Variants in SDK1 observed in about 807,000 individuals in gnomAD.
The protein encoded by SDK1 is sidekick cell adhesion molecule 1, also known as protein sidekick-1.
A neutral mutation model predicts 245.5 loss-of-function variants in SDK1; 157 were observed. That is an observed-to-expected ratio of 0.64 (90% CI 0.56 to 0.73). The LOEUF (loss-of-function observed/expected upper bound fraction) is 0.73, where lower values mean the gene tolerates loss of function less well. Among genes scored for constraint, SDK1 ranks in the 30% least tolerant of loss-of-function variants. The pLI, the probability that SDK1 is intolerant of heterozygous loss-of-function variation, is 0.00. For missense variants in SDK1, 3,583 were observed against 3,002.3 expected, an observed-to-expected ratio of 1.19 and a Z score of -4.52; for synonymous variants, 1,647 against 1,278.5, an observed-to-expected ratio of 1.29 and a Z score of -6.15.
intron 19 of SDK1, among the ~76,000 whole-genome samples, chr7:4,053,364 C>G (rs980410317): frequency 2.1e-4 from 19 of 91,528 alleles, no homozygotes; most frequent in Middle Eastern, 4.9e-3. Context: ...TGCCTCTCTC[C>G]CCTTTCCTCT....
At chr7:3,586,260 C>T (rs1268650981) in intron 1 of SDK1, among the ~76,000 whole-genome samples, 1 of 151,928 alleles carries the variant, frequency 6.6e-6, no homozygotes, top group East Asian at 1.9e-4. Flanking sequence ...GTTACTGGGT[C>T]AACATAGACC....
chr7:3,860,374 A>G (rs1332012905), intron 5 of SDK1, among the ~76,000 whole-genome samples: 1 of 152,196 alleles, frequency 6.6e-6, no homozygotes. Context: ...AAGAAGGTTG[A>G]TAGGTGATGA....
chr7:3,479,722 C>G (rs1477114651), intron 1 of SDK1, among the ~76,000 whole-genome samples: 2 of 151,816 alleles, frequency 1.3e-5, no homozygotes, highest in Non-Finnish European at 2.9e-5. Flanking sequence ...TTTAGCTGGG[C>G]ATGGTGGCGT....
intron 1 of SDK1, among the ~76,000 whole-genome samples, chr7:3,322,023 T>TTC (rs199844738): frequency 1.3e-5 from 2 of 148,788 alleles, no homozygotes; most frequent in Middle Eastern, 3.4e-3. Context: ...TTTTTTTTTT[T>TTC]CACTTAGGTG....
At chr7:3,723,847 TACATATACATATACAC>T (rs1778910122) in intron 4 of SDK1, among the ~76,000 whole-genome samples, 1 of 141,096 alleles carries the variant, frequency 7.1e-6, no homozygotes. Context: ...TATATACACG[TACATATACATATACAC>T]GTGTATATAC....
At chr7:3,412,473 A>G (rs1779237095) in intron 1 of SDK1, among the ~76,000 whole-genome samples, 1 of 152,238 alleles carries the variant, frequency 6.6e-6, no homozygotes. Flanking sequence ...GTTAAATGGC[A>G]CTGCAAAATG....
intron 1 of SDK1, among the ~76,000 whole-genome samples, chr7:3,509,956 C>A (rs968350653): frequency 6.6e-6 from 1 of 152,164 alleles, no homozygotes; most frequent in Admixed American, 6.5e-5. Context: ...AAATGAAGGT[C>A]TCCGAGTCAT....
At chr7:4,217,928 G>GA (rs1050700543) in intron 38 of SDK1, among the ~76,000 whole-genome samples, 17 of 151,338 alleles carry the variant, frequency 1.1e-4, no homozygotes, top group Admixed American at 2.6e-4. Context: ...TTTTAACAAT[G>GA]AAAAAAAAAG....
chr7:3,559,800 C>T (rs892217473), intron 1 of SDK1, among the ~76,000 whole-genome samples: 5 of 150,346 alleles, frequency 3.3e-5, no homozygotes, highest in African/African-American at 1.2e-4. Context: ...GAAACAAGCA[C>T]AGATGAACTT....
At chr7:3,493,382 A>C (rs867594161) in intron 1 of SDK1, among the ~76,000 whole-genome samples, 2 of 152,196 alleles carry the variant, frequency 1.3e-5, no homozygotes, top group Admixed American at 6.5e-5. Flanking sequence ...AGCTCAGTCC[A>C]TTGATTTACT....
At chr7:3,347,382 T>G (rs1284883347) in intron 1 of SDK1, among the ~76,000 whole-genome samples, 1 of 152,198 alleles carries the variant, frequency 6.6e-6, no homozygotes, top group African/African-American at 2.4e-5. Flanking sequence ...GTTGGAGATC[T>G]GGTGATGTCA....
At chr7:3,814,921 T>G (rs144571163) in intron 4 of SDK1, among the ~76,000 whole-genome samples, 28,693 of 152,032 alleles carry the variant, frequency 0.19, 3,106 homozygotes, top group Middle Eastern at 0.38. Flanking sequence ...GTTTGTATGT[T>G]GTTGGTGTGT....
chr7:3,348,542 C>G (rs1189378277), intron 1 of SDK1, among the ~76,000 whole-genome samples: 4 of 152,084 alleles, frequency 2.6e-5, no homozygotes, highest in Non-Finnish European at 5.9e-5. Context: ...ACACTTGAGA[C>G]TACTAGAGCG....
chr7:4,225,425 G>T (rs1391635989), intron 40 of SDK1, among the ~76,000 whole-genome samples: 1 of 152,220 alleles, frequency 6.6e-6, no homozygotes, highest in Non-Finnish European at 1.5e-5. Context: ...CCTGTGGGAT[G>T]GGGCGGTACC....
chr7:4,230,067 GGA>G lies in SDK1; in HGVS notation c.5828-3187_5828-3186del, dbSNP rs1456136561. The stretch of plus-strand genomic sequence containing the variant: ...AGGAAGGAAGGAAGGAAGGAAGGAA[GGA>G]AGGAAGGAAGGAAGGGTGGGCAGGC... On this transcript the variant is annotated intron_variant, in intron 40 of 44. Transcript: ENST00000404826. 5.2e-3 allele frequency among the ~76,000 whole-genome samples: 746 copies of G among 144,144 alleles called. 8 individuals are homozygous for G. Among genetic ancestry groups the G allele is most frequent in the African/African-American group, 0.016 (623 of 38,576 alleles). 94.6% of individuals were successfully genotyped at this position (144,144 alleles called of 152,430 possible). A position where few individuals can be genotyped will look rare whatever the true frequency, so the allele number is the denominator to read the frequency against.
At chr7:3,736,239 T>A (rs1000234443) in intron 4 of SDK1, among the ~76,000 whole-genome samples, 1 of 152,200 alleles carries the variant, frequency 6.6e-6, no homozygotes, top group Admixed American at 6.5e-5. Context: ...TAATATATAA[T>A]CTAGTTACTT....
At chr7:3,921,134 A>G (rs868478198) in intron 5 of SDK1, among the ~76,000 whole-genome samples, 1 of 152,232 alleles carries the variant, frequency 6.6e-6, no homozygotes, top group Non-Finnish European at 1.5e-5. Context: ...AAGGACATAT[A>G]TGTAACTCAT....
intron 5 of SDK1, among the ~76,000 whole-genome samples, chr7:3,895,025 G>A (rs1781565670): frequency 6.6e-6 from 1 of 152,026 alleles, no homozygotes; most frequent in South Asian, 2.1e-4. Flanking sequence ...TGTCTCTAAT[G>A]TACATTTTAC....
chr7:3,914,637 T>G (rs1779303063), intron 5 of SDK1, among the ~76,000 whole-genome samples: 1 of 152,204 alleles, frequency 6.6e-6, no homozygotes, highest in South Asian at 2.1e-4. Flanking sequence ...TTCCCAACTC[T>G]TATTGCAAAA....
Sources: allele counts gnomAD v4.1 joint callset (sites outside exome capture counted in the v4.1 genomes callset), GRCh38; gene constraint gnomAD v4.1.1; transcripts MANE v1.5; gene names NCBI Gene and HGNC (gene_info 2026-07-23, HGNC 2026-07-21).